MESP1: variants seen among roughly 807,000 people sequenced by gnomAD.
MESP1 encodes mesoderm posterior protein 1.
In MESP1, 22 loss-of-function variants were observed where a neutral mutation model predicts 15.2. That is an observed-to-expected ratio of 1.45 (90% CI 1.04 to 2.07). MESP1 has a LOEUF of 2.07. Among genes scored for constraint, MESP1 ranks in the 30% most tolerant of loss-of-function variants. The probability of loss-of-function intolerance (pLI) is 0.00; values close to 1 mark genes in which losing one functional copy is unlikely to be tolerated. For synonymous variants in MESP1, 216 were observed against 192.6 expected, an observed-to-expected ratio of 1.12 and a Z score of -1.01; for missense variants, 484 against 411.9, an observed-to-expected ratio of 1.17 and a Z score of -1.51.
the MESP1 span, chr15:89,737,840 A>G: frequency 3.4e-6 from 5 of 1,485,080 alleles, no homozygotes; most frequent in Non-Finnish European, 4.6e-6. Context: ...CCCCTCTACC[A>G]TAGGCCAAAG....
rs1302573027 is a variant in MESP1 at position 89,750,864 on chromosome 15, A to G, written c.368T>C (p.Ile123Thr). The G allele has an allele frequency of 6.5e-7, 1 of 1,529,422 alleles. No homozygotes were observed. Among genetic ancestry groups the G allele is most frequent in the Non-Finnish European group, 8.7e-7 (1 of 1,143,508 alleles). The allele number at this position is 1,529,422 out of a possible 1,614,324, so 94.7% of individuals were successfully genotyped here. A position where few individuals can be genotyped will look rare whatever the true frequency, so the allele number is the denominator to read the frequency against. Reference sequence around the variant, plus strand: ...GCGGATAGCCAGGCGCAGCGTCTCGATCTTGGTCAGGCTCTGGCCCGCGGG... The same window carrying G: ...GCGGATAGCCAGGCGCAGCGTCTCGGTCTTGGTCAGGCTCTGGCCCGCGGG... Reference protein sequence around the residue: ...VAPAGQSLTKIETLRLAIRYI... With the variant: ...VAPAGQSLTKTETLRLAIRYI... The change falls in exon 1 of 2, where the codon ATC becomes ACC. Residue 123 changes from isoleucine to threonine, a missense_variant. Ile to Thr is a moderately conservative substitution (Grantham distance 89). Coordinates refer to ENST00000300057, the MANE Select transcript of MESP1 (RefSeq NM_018670.4).
At chr15:89,750,320 G>A (rs1968058822) in intron 1 of MESP1, 93 bp from the exon 2 acceptor site, 1 of 1,567,724 alleles carries the variant, frequency 6.4e-7, no homozygotes, top group South Asian at 1.1e-5. Context: ...GGGGCCCCTA[G>A]CGAGGGGAGA....
the MESP1 span, among the ~76,000 whole-genome samples, chr15:89,741,144 A>AT: frequency 2.0e-5 from 3 of 151,800 alleles, no homozygotes; most frequent in African/African-American, 4.9e-5. Flanking sequence ...TGTCTCAAAA[A>AT]AAATAAATAA....
chr15:89,743,663 C>T, the MESP1 span: 91,807 of 471,926 alleles, frequency 0.19, 9,744 homozygotes, highest in Middle Eastern at 0.3. Flanking sequence ...TGGTATATAA[C>T]TCATCGTTCC....
the MESP1 span, among the ~76,000 whole-genome samples, chr15:89,740,721 C>T: frequency 1.8e-3 from 279 of 152,126 alleles, no homozygotes; most frequent in African/African-American, 6.5e-3. Flanking sequence ...AGGCTGGTCT[C>T]GAACTACTGA....
chr15:89,741,807 A>G, the MESP1 span, among the ~76,000 whole-genome samples: 1 of 151,846 alleles, frequency 6.6e-6, no homozygotes, highest in Non-Finnish European at 1.5e-5. Context: ...GCTGGAGTGC[A>G]GTGGCACAAT....
chr15:89,740,664 G>A, the MESP1 span, among the ~76,000 whole-genome samples: 15 of 152,046 alleles, frequency 9.9e-5, no homozygotes, highest in Non-Finnish European at 1.5e-4. Context: ...ACCACGCCCG[G>A]CTAATTTTTG....
Position 89,750,591 on chromosome 15 carries a change from G to A in MESP1, c.641C>T (p.Pro214Leu). 1 of 1,406,184 alleles carries A rather than the reference G, an allele frequency of 7.1e-7. No individual in the cohort carries two copies. Among genetic ancestry groups the A allele is most frequent in the Non-Finnish European group, 9.2e-7 (1 of 1,089,432 alleles). The allele number at this position is 1,406,184 out of a possible 1,614,324, so 87.1% of individuals were successfully genotyped here. A position where few individuals can be genotyped will look rare whatever the true frequency, so the allele number is the denominator to read the frequency against. The change falls in exon 1 of 2, where the codon CCC becomes CTC. Residue 214 changes from proline (P) to leucine (L), a missense_variant. Physicochemically the swap from Pro to Leu is moderately conservative, Grantham distance 98. Coordinates refer to ENST00000300057, the MANE Select transcript of MESP1 (RefSeq NM_018670.4). ...PPACPGARAA[P>L]EPRDPPALFA... ...CAGCGCAGGCGGGTCGCGCGGCTCG[G>A]GTGCAGCTCGGGCTCCGGGGCAGGC...
chr15:89,732,990 T>G, the MESP1 span: 1 of 1,613,290 alleles, frequency 6.2e-7, no homozygotes, highest in Non-Finnish European at 8.5e-7. Flanking sequence ...CCGGCTTGTG[T>G]GATTACTTTC....
chr15:89,736,090 C>T, the MESP1 span, among the ~76,000 whole-genome samples: 1 of 152,140 alleles, frequency 6.6e-6, no homozygotes, highest in Non-Finnish European at 1.5e-5. Context: ...ACAGATGTGT[C>T]CCTGTGTGGG....
chr15:89,742,040 C>T, the MESP1 span, among the ~76,000 whole-genome samples: 2 of 152,104 alleles, frequency 1.3e-5, no homozygotes, highest in Non-Finnish European at 2.9e-5. Flanking sequence ...CATGAGCCAT[C>T]ACACCCGGCC....
the MESP1 span, among the ~76,000 whole-genome samples, chr15:89,744,157 T>G: frequency 6.6e-6 from 1 of 152,196 alleles, no homozygotes; most frequent in East Asian, 1.9e-4. Context: ...GCCTGCTCAG[T>G]CTCTTGGGTG....
rs1350009707 is a variant in MESP1, at chr15:89,750,814, G to T, written c.418C>A (p.Leu140Ile). The T allele has an allele frequency of 6.5e-7, 1 of 1,530,570 alleles. No individual in the cohort carries two copies. Among genetic ancestry groups the T allele is most frequent in the South Asian group, 1.2e-5 (1 of 83,818 alleles). 94.8% of individuals were successfully genotyped at this position (1,530,570 alleles called of 1,614,324 possible). ...IRYIGHLSAV[L>I]GLSEESLQRR... Reference sequence around the variant, plus strand: ...TGGAGACTCTCCTCGCTGAGGCCTAGCACGGCCGACAGGTGGCCGATATAG... The same window carrying T: ...TGGAGACTCTCCTCGCTGAGGCCTATCACGGCCGACAGGTGGCCGATATAG... The change falls in exon 1 of 2, where the codon CTA becomes ATA. Residue 140 changes from leucine (L) to isoleucine (I), a missense_variant. Leu to Ile is a conservative substitution (Grantham distance 5). Transcript: ENST00000300057.
chr15:89,733,069 A>G, the MESP1 span: 42 of 1,614,126 alleles, frequency 2.6e-5, no homozygotes, highest in Admixed American at 5.7e-4. Flanking sequence ...CACTTCCTAA[A>G]ATATTTCTCG....
chr15:89,743,297 G>C, the MESP1 span: 1 of 1,614,134 alleles, frequency 6.2e-7, no homozygotes, highest in South Asian at 1.1e-5. Flanking sequence ...CTCAGCTATC[G>C]GAAGCTGGAG....
At chr15:89,738,048 T>C in the MESP1 span, 1 of 1,610,028 alleles carries the variant, frequency 6.2e-7, no homozygotes, top group Non-Finnish European at 8.5e-7. Context: ...CAGGAGACTA[T>C]TCACATGAAA....
At position 89,750,781 on chromosome 15, in the gene MESP1, A is replaced by C. The variant is rs370625198; in HGVS notation, c.451T>G (p.Cys151Gly). The change falls in exon 1 of 2, where the codon TGC (cysteine) becomes GGC (glycine). Residue 151 changes from cysteine to glycine, a missense_variant. Coordinates refer to ENST00000300057, the MANE Select transcript of MESP1 (RefSeq NM_018670.4). ...GACCCCGCGTCACCGCGCTGCCGGCACCGGCGCTGGAGACTCTCCTCGCTG... is the reference window on the plus strand; with the variant it reads ...GACCCCGCGTCACCGCGCTGCCGGCCCCGGCGCTGGAGACTCTCCTCGCTG... ...GLSEESLQRR[C>G]RQRGDAGSPR... The C allele has an allele frequency of 6.8e-5, 102 of 1,505,066 alleles. No individual in the cohort carries two copies. The African/African-American group carries it at 1.4e-3, about 20-fold the overall frequency. The allele number at this position is 1,505,066 out of a possible 1,614,324, so 93.2% of individuals were successfully genotyped here.
chr15:89,749,552 T>C (rs1015900756), downstream of MESP1: 1 of 153,002 alleles, frequency 6.5e-6, no homozygotes, highest in Non-Finnish European at 1.5e-5. Flanking sequence ...AGGTACCTGA[T>C]GTACATACAA....
chr15:89,746,704 C>T (rs1228737635), downstream of MESP1, among the ~76,000 whole-genome samples: 10 of 148,868 alleles, frequency 6.7e-5, no homozygotes, highest in Non-Finnish European at 1.2e-4. Flanking sequence ...CACACAGCCC[C>T]GCCTCCACAC....
Sources: allele counts gnomAD v4.1 joint callset (sites outside exome capture counted in the v4.1 genomes callset), GRCh38; gene constraint gnomAD v4.1.1; transcripts MANE v1.5; gene names NCBI Gene and HGNC (gene_info 2026-07-23, HGNC 2026-07-21).